The following XRN1 variants were observed in gnomAD, a reference collection of about 807,000 sequenced individuals.
XRN1 encodes strand-exchange protein 1 homolog.
In XRN1, 67 loss-of-function variants were observed where a neutral mutation model predicts 222.3. The observed-to-expected ratio is 0.30, with a 90% CI of 0.25 to 0.37. XRN1 has a LOEUF of 0.37. Ranked by LOEUF, XRN1 falls within the 10% of genes least tolerant of loss-of-function variation. The pLI, the probability that XRN1 is intolerant of heterozygous loss-of-function variation, is 1.00. For missense variants in XRN1, 1,707 were observed against 2,000.2 expected (o/e 0.85, Z 2.80); for synonymous variants, 643 against 652.4 (o/e 0.99, Z 0.22).
intron 25 of XRN1, among the ~76,000 whole-genome samples, chr3:142,372,499 G>A (rs1253539832): frequency 6.6e-6 from 1 of 152,164 alleles, no homozygotes; most frequent in African/African-American, 2.4e-5. Context: ...ATCTCAAACT[G>A]GGATGGCCCT....
At chr3:142,388,223 C>T (rs925532720) in intron 20 of XRN1, among the ~76,000 whole-genome samples, 4 of 152,180 alleles carry the variant, frequency 2.6e-5, no homozygotes, top group Admixed American at 1.3e-4. Flanking sequence ...AACATGAAGA[C>T]GAAGATGAAA....
At chr3:142,423,349 T>C (rs779256567) in intron 6 of XRN1, among the ~76,000 whole-genome samples, 20 of 152,050 alleles carry the variant, frequency 1.3e-4, no homozygotes, top group Non-Finnish European at 2.1e-4. Flanking sequence ...GATCTAACCA[T>C]AAAAGTTAAA....
chr3:142,404,644 G>C (rs1286488905), intron 16 of XRN1, among the ~76,000 whole-genome samples: 1 of 152,076 alleles, frequency 6.6e-6, no homozygotes, highest in Non-Finnish European at 1.5e-5. Flanking sequence ...ATACATTAGA[G>C]AGAAAAAATT....
intron 36 of XRN1, 45 bp from the exon 37 acceptor site, chr3:142,329,660 A>C (rs778217474): frequency 2.0e-6 from 3 of 1,495,386 alleles, no homozygotes; most frequent in Non-Finnish European, 2.7e-6. Flanking sequence ...ATAAAATACT[A>C]TCTCAAATTA....
At chr3:142,428,393 CAAAAA>C (rs56759656) in intron 2 of XRN1, among the ~76,000 whole-genome samples, 1 of 85,610 alleles carries the variant, frequency 1.2e-5, no homozygotes, top group African/African-American at 4.8e-5. Flanking sequence ...CAAGACTCTC[CAAAAA>C]AAAAAAAAAA....
intron 18 of XRN1, among the ~76,000 whole-genome samples, chr3:142,400,992 G>A (rs1172888798): frequency 6.6e-6 from 1 of 151,620 alleles, no homozygotes. Context: ...CCATCCAGGT[G>A]TAAAACTCTA....
intron 5 of XRN1, among the ~76,000 whole-genome samples, chr3:142,424,251 T>G (rs1238022180): frequency 6.6e-6 from 1 of 152,122 alleles, no homozygotes; most frequent in Non-Finnish European, 1.5e-5. Context: ...TCTGCCTCTA[T>G]GCCTGGCTAA....
rs533120729 is a variant in XRN1, at chr3:142,373,500, C to G, written c.2979-2172G>C. 2.0e-5 allele frequency among the ~76,000 whole-genome samples: 3 copies of G among 152,018 alleles called. No homozygotes were observed. In the East Asian group the frequency reaches 5.8e-4, roughly 29 times the overall value. On this transcript the variant is annotated intron_variant, in intron 25 of 40. Coordinates refer to ENST00000392981, the MANE Select transcript of XRN1 (RefSeq NM_001282857.2). ...CAGTTGCAAGCCTGAAAGAGCTGAA[C>G]AGGAGAAGGGAAGAAAAAAGATCCA...
intron 5 of XRN1, 58 bp from the exon 6 acceptor site, chr3:142,423,700 C>A: frequency 3.0e-6 from 4 of 1,339,110 alleles, no homozygotes; most frequent in South Asian, 1.6e-5. Flanking sequence ...ATATTAGGTT[C>A]ACAAAAGCAA....
At chr3:142,365,458 A>G (rs549519456) in intron 27 of XRN1, 92 bp from the exon 28 acceptor site, 39 of 874,536 alleles carry the variant, frequency 4.5e-5, no homozygotes, top group Middle Eastern at 3.8e-4. Flanking sequence ...GAATTTTAAA[A>G]AGCCAAATGA....
At chr3:142,342,561 A>G (rs2066026469) in intron 33 of XRN1, among the ~76,000 whole-genome samples, 1 of 152,236 alleles carries the variant, frequency 6.6e-6, no homozygotes, top group Non-Finnish European at 1.5e-5. Context: ...AACTATGGTA[A>G]TGAAAATGGC....
intron 5 of XRN1, among the ~76,000 whole-genome samples, chr3:142,424,635 A>T (rs547509190): frequency 4.9e-4 from 74 of 152,310 alleles, no homozygotes; most frequent in Admixed American, 7.8e-4. Flanking sequence ...TTCTTAAAAA[A>T]ACACCTTAAT....
chr3:142,355,295 C>A, intron 32 of XRN1, 106 bp downstream of exon 32: 9 of 521,662 alleles, frequency 1.7e-5, no homozygotes, highest in Admixed American at 4.2e-5. Context: ...TTGTCATTTT[C>A]TATTTTATGA....
At chr3:142,416,774 G>A (rs1284226926) in intron 13 of XRN1, among the ~76,000 whole-genome samples, 3 of 151,998 alleles carry the variant, frequency 2.0e-5, no homozygotes, top group Admixed American at 6.6e-5. Flanking sequence ...ACTCATGCCT[G>A]TAATCCTAGC....
rs2069012045 is a variant in XRN1, at chr3:142,421,087, T to C, written c.1102A>G (p.Lys368Glu). The C allele has an allele frequency of 1.2e-6, 2 of 1,613,968 alleles. No individual in the cohort carries two copies. Among genetic ancestry groups the C allele is most frequent in the African/African-American group, 1.3e-5 (1 of 74,946 alleles). ...ACACCTGCTGCTTCATTGAGGTACTTGTTACCAACTTTGCTTTCAAACCAT... is the reference window on the plus strand; with the variant it reads ...ACACCTGCTGCTTCATTGAGGTACTCGTTACCAACTTTGCTTTCAAACCAT... Reference protein sequence around the residue: ...LKWFESKVGNKYLNEAAGVAA... With the variant: ...LKWFESKVGNEYLNEAAGVAA... The change falls in exon 10 of 41, where the codon AAG (lysine) becomes GAG (glutamate). Residue 368 changes from lysine to glutamate, a missense_variant. By Grantham distance (56) the Lys-to-Glu change is moderately conservative. Around this residue, in one of 2 missense-constraint regions of XRN1, gnomAD observed 1,234 missense variants for 1,518.2 expected, o/e 0.81. Coordinates refer to ENST00000392981, the MANE Select transcript of XRN1 (RefSeq NM_001282857.2).
chr3:142,434,920 G>A (rs1031074376), intron 1 of XRN1: 3 of 152,020 alleles, frequency 2.0e-5, no homozygotes, highest in Non-Finnish European at 4.4e-5. Context: ...TGTAAGAAAT[G>A]TAACAAAAAA....
rs571629173 is a variant in XRN1, at chr3:142,404,859, G to A, written c.1883+48C>T. 1.4e-5 allele frequency: 23 copies of A among 1,589,916 alleles called. No individual in the cohort carries two copies. In the African/African-American group the frequency reaches 1.9e-4, roughly 13 times the overall value. ...CCCCTTCACCACTTCTCGCACCCTT[G>A]TGTTAGGAGCGCTCTTTTGTTGTTG... On this transcript the variant is annotated intron_variant, in intron 16 of 40. Coordinates refer to ENST00000392981, the MANE Select transcript of XRN1 (RefSeq NM_001282857.2).
At chr3:142,350,587 T>C (rs1005413911) in intron 32 of XRN1, among the ~76,000 whole-genome samples, 19 of 152,220 alleles carry the variant, frequency 1.2e-4, no homozygotes, top group East Asian at 1.9e-4. Flanking sequence ...GTCTTGAGAA[T>C]AGACTGTAGA....
intron 36 of XRN1, among the ~76,000 whole-genome samples, chr3:142,331,195 C>A (rs991445053): frequency 6.6e-6 from 1 of 152,118 alleles, no homozygotes; most frequent in Non-Finnish European, 1.5e-5. Flanking sequence ...AAACTTCTGC[C>A]CACATCCACT....
Sources: allele counts gnomAD v4.1 joint callset (sites outside exome capture counted in the v4.1 genomes callset), GRCh38; gene constraint gnomAD v4.1.1; regional missense constraint gnomAD v4.1.1; transcripts MANE v1.5; gene names NCBI Gene and HGNC (gene_info 2026-07-23, HGNC 2026-07-21).